SGPP2: variants seen among roughly 807,000 people sequenced by gnomAD.
SGPP2 encodes the protein sphingosine 1-phosphate phosphohydrolase 2.
In SGPP2, 30 loss-of-function variants were observed where a neutral mutation model predicts 33.9. The ratio of observed to expected loss-of-function variants is 0.89; its 90% confidence interval spans 0.66 to 1.20. The LOEUF (loss-of-function observed/expected upper bound fraction) is 1.20. SGPP2 is among the 50% of genes most tolerant of loss of function. SGPP2 has a pLI of 0.00. For missense variants in SGPP2, 458 were observed against 532.1 expected, an observed-to-expected ratio of 0.86 and a Z score of 1.37; for synonymous variants, 233 against 225.0, an observed-to-expected ratio of 1.04 and a Z score of -0.32.
intron 1 of SGPP2, among the ~76,000 whole-genome samples, chr2:222,458,557 C>T (rs955109162): frequency 3.3e-4 from 50 of 152,272 alleles, no homozygotes; most frequent in Middle Eastern, 6.8e-3. Flanking sequence ...TCTGGCTCTA[C>T]AGGTGGTCTC....
intron 1 of SGPP2, among the ~76,000 whole-genome samples, chr2:222,470,100 A>G (rs1697815554): frequency 1.3e-5 from 2 of 151,950 alleles, no homozygotes; most frequent in Admixed American, 1.3e-4. Context: ...AACATCACAC[A>G]CCGGGGCCTG....
intron 1 of SGPP2, among the ~76,000 whole-genome samples, chr2:222,470,886 C>G (rs892638093): frequency 1.3e-5 from 2 of 152,156 alleles, no homozygotes; most frequent in African/African-American, 4.8e-5. Flanking sequence ...GTAAACAGAA[C>G]CTGCCGAGAT....
At chr2:222,438,565 T>C (rs1377523723) in intron 1 of SGPP2, among the ~76,000 whole-genome samples, 1 of 152,222 alleles carries the variant, frequency 6.6e-6, no homozygotes, top group Non-Finnish European at 1.5e-5. Context: ...AAAAAGGCAG[T>C]TGCCAAGTCA....
chr2:222,500,775 G>C (rs1698355300), intron 2 of SGPP2, among the ~76,000 whole-genome samples: 1 of 152,150 alleles, frequency 6.6e-6, no homozygotes, highest in African/African-American at 2.4e-5. Flanking sequence ...GAGTTTTTAT[G>C]CTCGTGCATT....
At chr2:222,514,268 A>G (rs138489610) in intron 2 of SGPP2, among the ~76,000 whole-genome samples, 13 of 152,384 alleles carry the variant, frequency 8.5e-5, no homozygotes, top group African/African-American at 3.1e-4. Context: ...GGACACAGAT[A>G]TGCAGTGTTG....
chr2:222,556,118 G>A (rs529669144), intron 4 of SGPP2, among the ~76,000 whole-genome samples: 6 of 152,260 alleles, frequency 3.9e-5, no homozygotes, highest in South Asian at 2.1e-4. Flanking sequence ...TGAGAGTGGC[G>A]TATCATCTGA....
rs868008475 is a variant in SGPP2 at position 222,476,446 on chromosome 2, T to C, written c.378+1720T>C. On this transcript the variant is annotated intron_variant, in intron 2 of 4. Coordinates refer to ENST00000321276, the MANE Select transcript of SGPP2 (RefSeq NM_152386.4). This position sits in a 1 kb window ranked among gnomAD's most constrained non-coding sequence, Gnocchi z 4.3. ...TAGCCCTCTTTTGAAATCTAGCTTC[T>C]GTCTAAAAGTATAATCTGAGAGTCT... 6.6e-6 allele frequency among the ~76,000 whole-genome samples: 1 copy of C among 152,276 alleles called. No homozygotes were observed. Among genetic ancestry groups the C allele is most frequent in the South Asian group, 2.1e-4 (1 of 4,824 alleles).
At chr2:222,525,061 T>G (rs1465043069) in intron 4 of SGPP2, 28 bp downstream of exon 4, 1 of 1,546,500 alleles carries the variant, frequency 6.5e-7, no homozygotes, top group East Asian at 2.3e-5. Context: ...GGTCTTGTGG[T>G]GATTGTTTGA....
At position 222,480,421 on chromosome 2, in the gene SGPP2, A is replaced by C. The variant is rs182300867; in HGVS notation, c.378+5695A>C. Among the ~76,000 whole-genome samples the C allele has an allele frequency of 7.9e-5, 12 of 152,350 alleles. No homozygotes were observed. In the East Asian group the frequency reaches 2.3e-3, roughly 29 times the overall value. ...CATAATGAGATGTAGAAAAAATGAG[A>C]TAAACAGATACAAAGTGAAAGTAAG... is the stretch of plus-strand genomic sequence containing the variant. On this transcript the variant is annotated intron_variant, in intron 2 of 4. Coordinates refer to ENST00000321276, the MANE Select transcript of SGPP2 (RefSeq NM_152386.4).
chr2:222,459,949 G>A (rs1697633880), intron 1 of SGPP2, among the ~76,000 whole-genome samples: 1 of 152,212 alleles, frequency 6.6e-6, no homozygotes, highest in Admixed American at 6.5e-5. Flanking sequence ...GCATTCTTGT[G>A]AAAAGAAATG....
chr2:222,524,561 C>T (rs1698729147), intron 3 of SGPP2, among the ~76,000 whole-genome samples: 1 of 152,218 alleles, frequency 6.6e-6, no homozygotes, highest in Non-Finnish European at 1.5e-5. Flanking sequence ...GGCTATCTAT[C>T]TACCTTGCTT....
chr2:222,451,659 G>T (rs1186287748), intron 1 of SGPP2, among the ~76,000 whole-genome samples: 1 of 152,206 alleles, frequency 6.6e-6, no homozygotes, highest in Non-Finnish European at 1.5e-5. Flanking sequence ...TTGTGCCTCG[G>T]TTTATAGATT....
intron 2 of SGPP2, among the ~76,000 whole-genome samples, chr2:222,478,138 G>GC (rs1373160812): frequency 1.3e-5 from 2 of 150,706 alleles, no homozygotes; most frequent in East Asian, 3.9e-4. Flanking sequence ...TCCTGCCAGT[G>GC]CCTGGGGAGA....
At chr2:222,443,296 G>T (rs965661539) in intron 1 of SGPP2, among the ~76,000 whole-genome samples, 1 of 152,092 alleles carries the variant, frequency 6.6e-6, no homozygotes, top group Non-Finnish European at 1.5e-5. Flanking sequence ...TGATGCTGAG[G>T]TCTGGGTGTC....
At chr2:222,467,138 A>G (rs1186114717) in intron 1 of SGPP2, among the ~76,000 whole-genome samples, 1 of 152,226 alleles carries the variant, frequency 6.6e-6, no homozygotes, top group Non-Finnish European at 1.5e-5. Context: ...AGCTACTCAC[A>G]GTGAGGTCCA....
chr2:222,430,436 C>G (rs1275389332), intron 1 of SGPP2, among the ~76,000 whole-genome samples: 1 of 152,206 alleles, frequency 6.6e-6, no homozygotes, highest in Non-Finnish European at 1.5e-5. Flanking sequence ...AGAACATAGG[C>G]TCTATTCCAC....
intron 4 of SGPP2, among the ~76,000 whole-genome samples, chr2:222,554,603 A>G (rs1689355408): frequency 6.6e-6 from 1 of 152,208 alleles, no homozygotes; most frequent in Non-Finnish European, 1.5e-5. Flanking sequence ...CATATGATTA[A>G]TGAAAAAGAG....
At chr2:222,462,631 G>A (rs958200216) in intron 1 of SGPP2, among the ~76,000 whole-genome samples, 7 of 152,030 alleles carry the variant, frequency 4.6e-5, no homozygotes, top group South Asian at 2.1e-4. Flanking sequence ...GATCTTAATC[G>A]CAATCACAAT....
intron 1 of SGPP2, among the ~76,000 whole-genome samples, chr2:222,445,610 C>G (rs1256853470): frequency 6.6e-6 from 1 of 152,140 alleles, no homozygotes; most frequent in African/African-American, 2.4e-5. Context: ...CTAATGCTCC[C>G]TGATGTAGTG....
Sources: gnomAD v4.1 joint callset for allele counts (sites outside exome capture counted in the v4.1 genomes callset) on GRCh38, gnomAD v4.1.1 for gene constraint, Gnocchi (gnomAD v3.1) non-coding constraint, MANE v1.5 for transcripts, NCBI Gene and HGNC (gene_info 2026-07-23, HGNC 2026-07-21) for gene names.